ERC1: variants seen among roughly 807,000 people sequenced by gnomAD.
The protein encoded by ERC1 is RAB6 interacting protein 2.
Under a neutral mutation model 132.0 loss-of-function variants are expected in ERC1, and 56 were observed. That is an observed-to-expected ratio of 0.42 (90% CI 0.34 to 0.53). The LOEUF is 0.53. Ranked by LOEUF, ERC1 falls within the 20% of genes least tolerant of loss-of-function variation. ERC1 has a pLI of 0.03. For synonymous variants in ERC1, 478 were observed against 476.1 expected, an observed-to-expected ratio of 1.00 and a Z score of -0.05; for missense variants, 1,202 against 1,349.9, an observed-to-expected ratio of 0.89 and a Z score of 1.72.
chr12:1,388,544 C>T (rs950688068), intron 16 of ERC1, among the ~76,000 whole-genome samples: 11 of 152,006 alleles, frequency 7.2e-5, no homozygotes, highest in Non-Finnish European at 2.9e-5. Context: ...AGACAGGTCA[C>T]GGAGAGCCCT....
rs2094336417 is a variant in ERC1 at position 1,493,545 on chromosome 12, AAAAATATATATATATATATATATAT to A, written c.*3317_*3341del. On this transcript the variant is annotated 3_prime_UTR_variant, in exon 19 of 19. Coordinates refer to ENST00000360905, the MANE Select transcript of ERC1 (RefSeq NM_178040.4). ...GAGACTCCATTTAAAAAAAAAAAAAAAAAATATATATATATATATATATATATATATATGGATGGGAATCACCAAA... is the reference window on the plus strand; with the variant it reads ...GAGACTCCATTTAAAAAAAAAAAAAAATATATATGGATGGGAATCACCAAA... The A allele has an allele frequency of 1.4e-5, 1 of 73,616 alleles. No individual in the cohort carries two copies. Among genetic ancestry groups the A allele is most frequent in the African/African-American group, 5.0e-5 (1 of 19,978 alleles). 4.6% of individuals were successfully genotyped at this position (73,616 alleles called of 1,614,324 possible). A position where few individuals can be genotyped will look rare whatever the true frequency, so the allele number is the denominator to read the frequency against.
intron 16 of ERC1, among the ~76,000 whole-genome samples, chr12:1,400,916 A>ATTATTATTTTTTTTTTT (rs2090981093): frequency 1.3e-4 from 2 of 15,040 alleles, no homozygotes; most frequent in African/African-American, 3.1e-4. Flanking sequence ...CTATTTTTGT[A>ATTATTATTTTTTTTTTT]TTTTTTTTTT....
At chr12:1,117,804 A>G (rs1946610911) in intron 7 of ERC1, among the ~76,000 whole-genome samples, 2 of 152,266 alleles carry the variant, frequency 1.3e-5, no homozygotes, top group African/African-American at 2.4e-5. Flanking sequence ...AAGAGAACAT[A>G]GTATTTAGAT....
chr12:1,092,693 G>T (rs965512872), intron 3 of ERC1, among the ~76,000 whole-genome samples: 3 of 152,204 alleles, frequency 2.0e-5, no homozygotes, highest in Non-Finnish European at 2.9e-5. Flanking sequence ...GGGTGCAATG[G>T]CTCACGTCTG....
intron 2 of ERC1, among the ~76,000 whole-genome samples, chr12:1,070,693 C>G (rs886520963): frequency 6.6e-6 from 1 of 152,132 alleles, no homozygotes; most frequent in Non-Finnish European, 1.5e-5. Flanking sequence ...CTTTTCAAAA[C>G]ATATTTTGGT....
chr12:1,320,464 C>A (rs1321367546), intron 15 of ERC1, among the ~76,000 whole-genome samples: 1 of 152,086 alleles, frequency 6.6e-6, no homozygotes, highest in Non-Finnish European at 1.5e-5. Flanking sequence ...GAGTAGTATT[C>A]CATAGTATTA....
At chr12:1,476,892 A>T (rs932012907) in intron 18 of ERC1, among the ~76,000 whole-genome samples, 1 of 152,268 alleles carries the variant, frequency 6.6e-6, no homozygotes, top group Non-Finnish European at 1.5e-5. Context: ...ACAATATATT[A>T]ATAAAATGGA....
At chr12:1,293,789 G>A (rs971560596) in intron 15 of ERC1, among the ~76,000 whole-genome samples, 1 of 152,094 alleles carries the variant, frequency 6.6e-6, no homozygotes, top group Non-Finnish European at 1.5e-5. Context: ...AATGCATTCT[G>A]AGTTACATAA....
At chr12:1,206,005 T>C (rs1473169886) in intron 12 of ERC1, among the ~76,000 whole-genome samples, 3 of 152,160 alleles carry the variant, frequency 2.0e-5, no homozygotes, top group Non-Finnish European at 4.4e-5. Flanking sequence ...AATTGTAATA[T>C]TGTTAGCTGG....
At chr12:1,304,876 G>C (rs1407805838) in intron 15 of ERC1, among the ~76,000 whole-genome samples, 1 of 130,870 alleles carries the variant, frequency 7.6e-6, no homozygotes, top group African/African-American at 2.8e-5. Flanking sequence ...TGCAAGCTCC[G>C]CCTCCCGGGT....
chr12:1,307,795 A>G (rs757193311), intron 15 of ERC1, among the ~76,000 whole-genome samples: 1 of 152,218 alleles, frequency 6.6e-6, no homozygotes, highest in Non-Finnish European at 1.5e-5. Context: ...TTCTTAAAGC[A>G]GTATTATAAA....
chr12:1,279,737 G>A (rs191905796), intron 14 of ERC1, among the ~76,000 whole-genome samples: 50 of 150,718 alleles, frequency 3.3e-4, no homozygotes, highest in African/African-American at 7.6e-4. Flanking sequence ...CGCCCAGGCC[G>A]GACTGCGGAC....
intron 18 of ERC1, among the ~76,000 whole-genome samples, chr12:1,449,866 A>AT (rs373194296): frequency 9.1e-4 from 138 of 150,896 alleles, no homozygotes; most frequent in Admixed American, 1.8e-3. Context: ...TTTTAAAGTA[A>AT]TTTTTTTTTG....
At chr12:1,207,750 C>T (rs1404456047) in intron 12 of ERC1, among the ~76,000 whole-genome samples, 3 of 152,086 alleles carry the variant, frequency 2.0e-5, no homozygotes, top group African/African-American at 7.2e-5. Flanking sequence ...TAGATCACCA[C>T]GGTTGTAGAT....
chr12:1,036,424 G>T (rs1969097481), intron 2 of ERC1, among the ~76,000 whole-genome samples: 1 of 150,874 alleles, frequency 6.6e-6, no homozygotes, highest in African/African-American at 2.4e-5. Flanking sequence ...GCCCAGCCTG[G>T]AGTGCAATGG....
At chr12:1,448,501 C>A (rs1393228835) in intron 18 of ERC1, among the ~76,000 whole-genome samples, 1 of 152,236 alleles carries the variant, frequency 6.6e-6, no homozygotes, top group Non-Finnish European at 1.5e-5. Context: ...CAGAGTTTGA[C>A]TTCAGCTTTA....
chr12:998,781 T>G (rs1961492596), intron 1 of ERC1, among the ~76,000 whole-genome samples: 1 of 151,746 alleles, frequency 6.6e-6, no homozygotes, highest in Non-Finnish European at 1.5e-5. Flanking sequence ...TTTGTAAAGC[T>G]CTCTCTTCTC....
At chr12:1,481,820 C>G (rs779973346) in intron 18 of ERC1, among the ~76,000 whole-genome samples, 1 of 152,054 alleles carries the variant, frequency 6.6e-6, no homozygotes. Context: ...GTTATACTTC[C>G]TCCTCCAGCG....
intron 3 of ERC1, among the ~76,000 whole-genome samples, chr12:1,093,187 G>C (rs1446540578): frequency 6.6e-6 from 1 of 152,074 alleles, no homozygotes. Context: ...TAGCTGGCAG[G>C]TAAATAATTC....
Sources: gnomAD v4.1 joint callset for allele counts (sites outside exome capture counted in the v4.1 genomes callset) on GRCh38, gnomAD v4.1.1 for gene constraint, MANE v1.5 for transcripts, NCBI Gene and HGNC (gene_info 2026-07-23, HGNC 2026-07-21) for gene names.